Variants in COL26A1 observed in about 807,000 individuals in gnomAD.
COL26A1 encodes collagen alpha-1(XXVI) chain.
Under a neutral mutation model 59.3 loss-of-function variants are expected in COL26A1, and 41 were observed. The ratio of observed to expected loss-of-function variants is 0.69; its 90% CI spans 0.54 to 0.90. The LOEUF is 0.90. Among genes scored for constraint, COL26A1 ranks in the 40% least tolerant of loss-of-function variants. The probability of loss-of-function intolerance (pLI) is 0.00; values close to 1 mark genes in which losing one functional copy is unlikely to be tolerated. For missense variants in COL26A1, 612 were observed against 602.3 expected, an observed-to-expected ratio of 1.02 and a Z score of -0.17; for synonymous variants, 266 against 256.0, an observed-to-expected ratio of 1.04 and a Z score of -0.37.
chr7:101,545,532 G>C (rs548546521), intron 7 of COL26A1, 42 bp downstream of exon 7: 1 of 1,042,464 alleles, frequency 9.6e-7, no homozygotes, highest in African/African-American at 2.0e-5. Context: ...GCTGAGCTAC[G>C]CTGTGTTCTG....
At chr7:101,423,052 G>T (rs1792561823) in intron 2 of COL26A1, among the ~76,000 whole-genome samples, 1 of 152,090 alleles carries the variant, frequency 6.6e-6, no homozygotes, top group African/African-American at 2.4e-5. Flanking sequence ...ATCACCTGAG[G>T]TCAGGAGTTT....
chr7:101,524,377 A>T (rs1319890649), intron 3 of COL26A1, among the ~76,000 whole-genome samples: 2 of 152,210 alleles, frequency 1.3e-5, no homozygotes, highest in Non-Finnish European at 2.9e-5. Context: ...TACAAAGGAA[A>T]ATCAAGACAA....
intron 3 of COL26A1, among the ~76,000 whole-genome samples, chr7:101,449,061 C>T (rs184382933): frequency 4.1e-4 from 62 of 152,326 alleles, no homozygotes; most frequent in Non-Finnish European, 5.1e-4. Context: ...ACAGGTGCCT[C>T]TGGTCCTGGT....
chr7:101,455,584 C>A (rs529122038), intron 3 of COL26A1, among the ~76,000 whole-genome samples: 3 of 149,894 alleles, frequency 2.0e-5, no homozygotes, highest in Non-Finnish European at 4.4e-5. Flanking sequence ...CTCACTGCAA[C>A]CTCCGCCTCC....
chr7:101,541,173 A>G (rs1194341472), intron 5 of COL26A1, among the ~76,000 whole-genome samples: 1 of 151,998 alleles, frequency 6.6e-6, no homozygotes, highest in African/African-American at 2.4e-5. Flanking sequence ...TTCTGCACTT[A>G]TGGCCCCCAG....
chr7:101,543,970 C>A (rs1453374497), intron 5 of COL26A1, 28 bp from the exon 6 acceptor site: 1 of 1,505,998 alleles, frequency 6.6e-7, no homozygotes, highest in Non-Finnish European at 9.0e-7. Context: ...CCACCATGTT[C>A]TGATGCCCTG....
intron 9 of COL26A1, 34 bp from the exon 10 acceptor site, chr7:101,551,074 G>A (rs755683903): frequency 4.5e-6 from 7 of 1,551,622 alleles, no homozygotes; most frequent in African/African-American, 2.7e-5. Context: ...GCCAGGACCG[G>A]CAGGCCTCAC....
intron 1 of COL26A1, among the ~76,000 whole-genome samples, chr7:101,416,123 G>A (rs1441299309): frequency 7.0e-6 from 1 of 143,100 alleles, no homozygotes; most frequent in Non-Finnish European, 1.6e-5. Flanking sequence ...GCAGGGCATG[G>A]TGGCACACGC....
intron 4 of COL26A1, among the ~76,000 whole-genome samples, chr7:101,533,938 G>T (rs1316341606): frequency 6.6e-6 from 1 of 152,240 alleles, no homozygotes; most frequent in Non-Finnish European, 1.5e-5. Context: ...ACAGGCAAAA[G>T]CCAAAGCCAG....
intron 2 of COL26A1, among the ~76,000 whole-genome samples, chr7:101,443,063 G>A (rs569176246): frequency 3.9e-5 from 6 of 152,318 alleles, no homozygotes; most frequent in African/African-American, 1.4e-4. Context: ...GTGTGTGCAT[G>A]TATGTGAGTG....
intron 4 of COL26A1, among the ~76,000 whole-genome samples, chr7:101,533,961 G>T (rs1795423386): frequency 6.6e-6 from 1 of 152,224 alleles, no homozygotes; most frequent in Non-Finnish European, 1.5e-5. Context: ...GGGGCTGAAG[G>T]GTGCGTGTGG....
intron 2 of COL26A1, among the ~76,000 whole-genome samples, chr7:101,442,873 GTGTT>G (rs933404375): frequency 2.0e-5 from 3 of 152,214 alleles, no homozygotes; most frequent in Admixed American, 6.5e-5. Context: ...GTGCACGAGT[GTGTT>G]TGTGCGAGTG....
intron 5 of COL26A1, among the ~76,000 whole-genome samples, chr7:101,542,759 G>C (rs1795643174): frequency 2.0e-5 from 3 of 150,690 alleles, no homozygotes. Flanking sequence ...GCCGAGCTCA[G>C]GTCTCCTACG....
At chr7:101,475,814 TTCTTTCTC>T (rs1342458007) in intron 3 of COL26A1, among the ~76,000 whole-genome samples, 15 of 148,096 alleles carry the variant, frequency 1.0e-4, no homozygotes, top group African/African-American at 3.6e-4. Flanking sequence ...CCTTCTTTCT[TTCTTTCTC>T]TCTCTTTCTC....
At chr7:101,438,792 T>A (rs1490926841) in intron 2 of COL26A1, among the ~76,000 whole-genome samples, 2 of 151,516 alleles carry the variant, frequency 1.3e-5, no homozygotes, top group African/African-American at 4.8e-5. Flanking sequence ...TGCCTCAGCC[T>A]CCCAAGTAGC....
intron 1 of COL26A1, among the ~76,000 whole-genome samples, chr7:101,380,563 C>T (rs902841813): frequency 3.9e-5 from 6 of 152,128 alleles, no homozygotes; most frequent in Non-Finnish European, 7.4e-5. Context: ...CCCTCCTTTA[C>T]CTTCTTAATA....
chr7:101,479,892 C>T (rs1366548936), intron 3 of COL26A1, among the ~76,000 whole-genome samples: 1 of 152,086 alleles, frequency 6.6e-6, no homozygotes, highest in Non-Finnish European at 1.5e-5. Flanking sequence ...TTATATTTTT[C>T]CTGTGTTGGA....
chr7:101,537,919 C>T (rs576078332), intron 4 of COL26A1, among the ~76,000 whole-genome samples: 1 of 152,096 alleles, frequency 6.6e-6, no homozygotes, highest in Non-Finnish European at 1.5e-5. Flanking sequence ...CCTTGGGATA[C>T]TGCAACCCAC....
chr7:101,552,965 G>GTATT (rs1190067388), intron 10 of COL26A1, among the ~76,000 whole-genome samples: 5 of 152,128 alleles, frequency 3.3e-5, no homozygotes, highest in African/African-American at 1.2e-4. Context: ...GGTATTACTG[G>GTATT]CCTTGTGTTG....
Sources: gnomAD v4.1 joint callset for allele counts (sites outside exome capture counted in the v4.1 genomes callset) on GRCh38, gnomAD v4.1.1 for gene constraint, MANE v1.5 for transcripts, NCBI Gene and HGNC (gene_info 2026-07-23, HGNC 2026-07-21) for gene names.